FGF12: variants seen among roughly 807,000 people sequenced by gnomAD.
FGF12 encodes the protein fibroblast growth factor 12B.
FGF12 carries 14 observed loss-of-function variants against 23.6 expected under a neutral mutation model. That is an observed-to-expected ratio of 0.59 (90% CI 0.39 to 0.93). The LOEUF is 0.93. FGF12 is among the 40% of genes least tolerant of loss of function. The probability of loss-of-function intolerance (pLI) is 0.00; values close to 1 mark genes in which losing one functional copy is unlikely to be tolerated. For missense variants in FGF12, 175 were observed against 217.8 expected, an observed-to-expected ratio of 0.80 and a Z score of 1.24; for synonymous variants, 62 against 77.3, an observed-to-expected ratio of 0.80 and a Z score of 1.04.
intron 2 of FGF12, among the ~76,000 whole-genome samples, chr3:192,518,008 A>G (rs1041957138): frequency 2.0e-5 from 3 of 152,318 alleles, no homozygotes; most frequent in African/African-American, 7.2e-5. Context: ...GAAGGGTAAG[A>G]AAGTGATGTA....
Position 192,489,070 on chromosome 3 carries a change from G to T in FGF12, c.14-128532C>A, listed in dbSNP as rs141029361. Among the ~76,000 whole-genome samples, 3 of 152,002 alleles carry T rather than the reference G, an allele frequency of 2.0e-5. No individual in the cohort carries two copies. In the East Asian group the frequency reaches 5.8e-4, roughly 29 times the overall value. Reference sequence around the variant, plus strand: ...GCAGCATCTCACAATGCTTGCCTGCGCTCTGGTTTCACTTTATTCTGGAAA... The same window carrying T: ...GCAGCATCTCACAATGCTTGCCTGCTCTCTGGTTTCACTTTATTCTGGAAA... On this transcript the variant is annotated intron_variant, in intron 2 of 5. Coordinates refer to ENST00000445105, the MANE Select transcript of FGF12 (RefSeq NM_004113.6).
At chr3:192,511,098 A>G (rs1054095217) in intron 2 of FGF12, among the ~76,000 whole-genome samples, 2 of 152,146 alleles carry the variant, frequency 1.3e-5, no homozygotes, top group African/African-American at 4.8e-5. Flanking sequence ...ATAATCCTTC[A>G]GGCTACCAGC....
intron 4 of FGF12, among the ~76,000 whole-genome samples, chr3:192,222,057 A>C (rs59584006): frequency 5.3e-5 from 8 of 152,134 alleles, no homozygotes; most frequent in African/African-American, 1.9e-4. Flanking sequence ...CAGGTGTGAC[A>C]TGTATTCAGA....
chr3:192,486,908 A>T (rs934326227), intron 2 of FGF12, among the ~76,000 whole-genome samples: 1 of 152,120 alleles, frequency 6.6e-6, no homozygotes, highest in East Asian at 1.9e-4. Context: ...AGTGTGTTTT[A>T]TATGTTTTAA....
intron 2 of FGF12, among the ~76,000 whole-genome samples, chr3:192,425,213 C>T (rs61170074): frequency 0.06 from 9,107 of 152,194 alleles, 811 homozygotes; most frequent in African/African-American, 0.19. Flanking sequence ...CTCCTTAGAA[C>T]GTACTGTCTA....
At chr3:192,557,819 C>G (rs1711852457) in intron 2 of FGF12, among the ~76,000 whole-genome samples, 2 of 151,652 alleles carry the variant, frequency 1.3e-5, no homozygotes, top group South Asian at 4.1e-4. Context: ...GGGTAATAAC[C>G]ACATCATCAA....
intron 2 of FGF12, among the ~76,000 whole-genome samples, chr3:192,529,865 C>A (rs1725044278): frequency 6.6e-6 from 1 of 152,100 alleles, no homozygotes; most frequent in Non-Finnish European, 1.5e-5. Context: ...GGGGTCCCTC[C>A]CACAACATAT....
chr3:192,613,065 A>T (rs568472032), intron 2 of FGF12, among the ~76,000 whole-genome samples: 11 of 151,580 alleles, frequency 7.3e-5, no homozygotes, highest in Non-Finnish European at 1.2e-4. Flanking sequence ...TGTAGGCACT[A>T]CTTCTTATTT....
chr3:192,531,385 A>C (rs1422476285), intron 2 of FGF12, among the ~76,000 whole-genome samples: 1 of 152,218 alleles, frequency 6.6e-6, no homozygotes, highest in Non-Finnish European at 1.5e-5. Flanking sequence ...TTTGCAAAAC[A>C]AAGCTAATAG....
intron 2 of FGF12, among the ~76,000 whole-genome samples, chr3:192,551,170 A>G (rs1711517373): frequency 6.6e-6 from 1 of 152,186 alleles, no homozygotes; most frequent in Admixed American, 6.5e-5. Flanking sequence ...GAAAGGGAAA[A>G]TGTAAGTTAA....
chr3:192,194,954 G>A (rs1716986643), intron 4 of FGF12, among the ~76,000 whole-genome samples: 1 of 152,166 alleles, frequency 6.6e-6, no homozygotes, highest in South Asian at 2.1e-4. Flanking sequence ...AAAGGGTTGT[G>A]GTAAAAGAAG....
intron 2 of FGF12, among the ~76,000 whole-genome samples, chr3:192,362,054 G>A (rs754456258): frequency 6.6e-6 from 1 of 152,152 alleles, no homozygotes; most frequent in Non-Finnish European, 1.5e-5. Flanking sequence ...CTGAATGGTT[G>A]TTTGTTCCTT....
intron 2 of FGF12, among the ~76,000 whole-genome samples, chr3:192,520,425 C>A (rs1724788622): frequency 6.6e-6 from 1 of 152,170 alleles, no homozygotes; most frequent in Non-Finnish European, 1.5e-5. Flanking sequence ...CTAACTGATA[C>A]TCCTGTGAGA....
chr3:192,158,878 A>G (rs1714707298), intron 5 of FGF12, among the ~76,000 whole-genome samples: 1 of 151,912 alleles, frequency 6.6e-6, no homozygotes, highest in Admixed American at 6.6e-5. Context: ...TGCTTGTTAC[A>G]ATGCTTGCAC....
intron 2 of FGF12, among the ~76,000 whole-genome samples, chr3:192,365,262 T>TAAAAAAAAA (rs5855420): frequency 7.0e-6 from 1 of 141,958 alleles, no homozygotes; most frequent in African/African-American, 2.6e-5. Flanking sequence ...AGTAAAAAAT[T>TAAAAAAAAA]AAAAAAAAAA....
chr3:192,536,153 T>G (rs1056829538), intron 2 of FGF12, among the ~76,000 whole-genome samples: 2 of 152,212 alleles, frequency 1.3e-5, no homozygotes, highest in South Asian at 4.1e-4. Context: ...CTGCCTGTTT[T>G]TGAAAATAAA....
At chr3:192,494,456 A>G (rs938897849) in intron 2 of FGF12, among the ~76,000 whole-genome samples, 1 of 152,096 alleles carries the variant, frequency 6.6e-6, no homozygotes, top group Admixed American at 6.6e-5. Context: ...AAATCATCAG[A>G]CCATCATATC....
At chr3:192,512,860 AACAGGC>A (rs1560135329) in intron 2 of FGF12, among the ~76,000 whole-genome samples, 10 of 105,446 alleles carry the variant, frequency 9.5e-5, no homozygotes, top group Non-Finnish European at 1.3e-4. Flanking sequence ...ATATATATAT[AACAGGC>A]TATGTCTATC....
intron 2 of FGF12, among the ~76,000 whole-genome samples, chr3:192,482,966 A>T (rs143090027): frequency 6.6e-6 from 1 of 152,312 alleles, no homozygotes; most frequent in East Asian, 1.9e-4. Flanking sequence ...TTGTCTGAAG[A>T]ATAAAGTCCA....
Sources: allele counts gnomAD v4.1 joint callset (sites outside exome capture counted in the v4.1 genomes callset), GRCh38; gene constraint gnomAD v4.1.1; transcripts MANE v1.5; gene names NCBI Gene and HGNC (gene_info 2026-07-23, HGNC 2026-07-21).